ABCC4: variants seen among roughly 807,000 people sequenced by gnomAD.
The protein encoded by ABCC4 is ATP-binding cassette sub-family C member 4.
In ABCC4, 102 loss-of-function variants were observed where a neutral mutation model predicts 168.5. That is an observed-to-expected ratio of 0.61 (90% CI 0.52 to 0.71). The LOEUF is 0.71. Among genes scored for constraint, ABCC4 ranks in the 30% least tolerant of loss-of-function variants. The pLI is 0.00. For synonymous variants in ABCC4, 617 were observed against 590.7 expected, an observed-to-expected ratio of 1.04 and a Z score of -0.65; for missense variants, 1,402 against 1,605.8, an observed-to-expected ratio of 0.87 and a Z score of 2.17.
chr13:95,281,678 T>C (rs1174388012), intron 1 of ABCC4, among the ~76,000 whole-genome samples: 1 of 152,030 alleles, frequency 6.6e-6, no homozygotes, highest in Non-Finnish European at 1.5e-5. Flanking sequence ...CCTTGGCGAG[T>C]TCAGTCTAAC....
intron 26 of ABCC4, among the ~76,000 whole-genome samples, chr13:95,054,754 C>T (rs2032992283): frequency 6.6e-6 from 1 of 152,158 alleles, no homozygotes; most frequent in Admixed American, 6.5e-5. Context: ...CCTCAAATCT[C>T]ACCTGGCTTT....
rs537432800 is a variant in ABCC4, at chr13:95,251,093, T to C, written c.75-3340A>G. Among the ~76,000 whole-genome samples the C allele has an allele frequency of 1.1e-4, 16 of 152,242 alleles. No individual in the cohort carries two copies. In the South Asian group the frequency reaches 2.1e-3, roughly 20 times the overall value. On this transcript the variant is annotated intron_variant, in intron 1 of 30. Transcript: ENST00000645237. The stretch of plus-strand genomic sequence containing the variant: ...ATGAGCCACCAAGCTTGGCCAATAG[T>C]GGTTTCTTAATGTGGTATAAGAGGG...
chr13:95,245,048 C>T (rs4148446), intron 3 of ABCC4, among the ~76,000 whole-genome samples: 46,126 of 151,996 alleles, frequency 0.3, 8,798 homozygotes, highest in Non-Finnish European at 0.42. Flanking sequence ...GAGAAATTCA[C>T]GCTTCTACAG....
At chr13:95,258,195 T>C (rs2040439976) in intron 1 of ABCC4, among the ~76,000 whole-genome samples, 1 of 152,192 alleles carries the variant, frequency 6.6e-6, no homozygotes, top group Non-Finnish European at 1.5e-5. Flanking sequence ...CTGTGATCTT[T>C]CAATAGAAAA....
chr13:95,252,901 T>A (rs2040302941), intron 1 of ABCC4, among the ~76,000 whole-genome samples: 1 of 152,228 alleles, frequency 6.6e-6, no homozygotes, highest in Non-Finnish European at 1.5e-5. Flanking sequence ...GAACTTTCTC[T>A]ATTTGGAAGC....
Position 95,194,750 on chromosome 13 carries a change from C to A in ABCC4, c.1263+86G>T, listed in dbSNP as rs575951142. ...GTAAATAAGCAAGCCATATTTTATA[C>A]CATGTGTAACACCTCAAAATTCTCT... On this transcript the variant is annotated intron_variant, in intron 9 of 30. Coordinates refer to ENST00000645237, the MANE Select transcript of ABCC4 (RefSeq NM_005845.5). 40 of 1,020,370 alleles carry A rather than the reference C, an allele frequency of 3.9e-5. No individual in the cohort carries two copies. The Middle Eastern group carries it at 6.3e-4, about 16-fold the overall frequency. 63.2% of individuals were successfully genotyped at this position (1,020,370 alleles called of 1,614,324 possible).
intron 1 of ABCC4, among the ~76,000 whole-genome samples, chr13:95,280,572 TAA>T (rs61654581): frequency 0.18 from 22,920 of 130,798 alleles, 2,945 homozygotes; most frequent in African/African-American, 0.37. Flanking sequence ...TGCCTTCTAT[TAA>T]AAAAAAAAAA....
intron 11 of ABCC4, among the ~76,000 whole-genome samples, chr13:95,181,289 A>G (rs2037880242): frequency 6.6e-6 from 1 of 152,264 alleles, no homozygotes; most frequent in Non-Finnish European, 1.5e-5. Context: ...GGATGGTCAC[A>G]GGGGCCAGGC....
At chr13:95,106,633 T>C (rs1005380664) in intron 20 of ABCC4, among the ~76,000 whole-genome samples, 7 of 152,092 alleles carry the variant, frequency 4.6e-5, no homozygotes, top group African/African-American at 1.4e-4. Flanking sequence ...ATCTACATTT[T>C]ACATGTGAAA....
At chr13:95,176,375 G>A (rs1270088069) in intron 13 of ABCC4, among the ~76,000 whole-genome samples, 1 of 151,860 alleles carries the variant, frequency 6.6e-6, no homozygotes, top group Non-Finnish European at 1.5e-5. Flanking sequence ...CTAGCCTGTA[G>A]TCACAGCTAC....
chr13:95,217,035 T>C (rs1009771546), intron 4 of ABCC4, among the ~76,000 whole-genome samples: 4 of 152,176 alleles, frequency 2.6e-5, no homozygotes, highest in Non-Finnish European at 4.4e-5. Flanking sequence ...AGAATCCGCA[T>C]GCCATTAAGA....
rs148840933 is a variant in ABCC4, at chr13:95,228,203, C to A, written c.531+6407G>T. Among the ~76,000 whole-genome samples, 4 of 152,252 alleles carry A rather than the reference C, an allele frequency of 2.6e-5. No homozygotes were observed. In the East Asian group the frequency reaches 5.8e-4, roughly 22 times the overall value. On this transcript the variant is annotated intron_variant, in intron 4 of 30. Transcript: ENST00000645237. ...TCCACTGAGAAAACCCAGAGGGAGA[C>A]GGGGTGGGAAGACTGGGATGCAGCC... is the stretch of plus-strand genomic sequence containing the variant.
chr13:95,120,507 C>T (rs138315650), intron 19 of ABCC4, among the ~76,000 whole-genome samples: 1,500 of 145,606 alleles, frequency 0.01, 29 homozygotes, highest in African/African-American at 0.036. Context: ...CGGAGGTTGC[C>T]ATGAGCCAAG....
chr13:95,170,427 T>C, intron 14 of ABCC4, 105 bp downstream of exon 14: 1 of 636,310 alleles, frequency 1.6e-6, no homozygotes, highest in Non-Finnish European at 2.6e-6. Context: ...CTTAAAAACA[T>C]GAATCCCAGC....
chr13:95,227,999 T>C (rs2039513327), intron 4 of ABCC4, among the ~76,000 whole-genome samples: 1 of 152,236 alleles, frequency 6.6e-6, no homozygotes. Context: ...TGTGAGCCAC[T>C]GCACCCGGCC....
At chr13:95,246,834 T>A in intron 3 of ABCC4, 141 bp downstream of exon 3, 1 of 958,218 alleles carries the variant, frequency 1.0e-6, no homozygotes, top group Admixed American at 2.4e-5. Flanking sequence ...ACATGTTTAA[T>A]CCTTAGACCT....
chr13:95,299,949 C>T (rs947393052), intron 1 of ABCC4, among the ~76,000 whole-genome samples: 3 of 152,174 alleles, frequency 2.0e-5, no homozygotes, highest in Admixed American at 6.6e-5. Flanking sequence ...TCAAGCAATT[C>T]CCCTGCCTCA....
chr13:95,165,645 T>G (rs1314583364), intron 15 of ABCC4, among the ~76,000 whole-genome samples: 1 of 152,198 alleles, frequency 6.6e-6, no homozygotes, highest in Non-Finnish European at 1.5e-5. Context: ...GTTGGGTCTT[T>G]GCACATGCTA....
rs559122444 is a variant in ABCC4 at position 95,101,979 on chromosome 13, C to A, written c.2535+13943G>T. Among the ~76,000 whole-genome samples the A allele has an allele frequency of 5.9e-5, 9 of 152,334 alleles. No individual in the cohort carries two copies. The South Asian group carries it at 1.9e-3, about 32-fold the overall frequency. ...TTGAAATGACTTCATTTTATCCTCA[C>A]AATAACCCTCATGGAATAGGTAGAA... On this transcript the variant is annotated intron_variant, in intron 20 of 30. Transcript: ENST00000645237.
Sources: gnomAD v4.1 joint callset for allele counts (sites outside exome capture counted in the v4.1 genomes callset) on GRCh38, gnomAD v4.1.1 for gene constraint, MANE v1.5 for transcripts, NCBI Gene and HGNC (gene_info 2026-07-23, HGNC 2026-07-21) for gene names.